ANXA8: variants seen among roughly 807,000 people sequenced by gnomAD.
ANXA8 encodes the protein annexin A8, also known as VAC-beta.
In ANXA8, 9 loss-of-function variants were observed where a neutral mutation model predicts 26.8. That is an observed-to-expected ratio of 0.34 (90% CI 0.20 to 0.59). The LOEUF is 0.59. ANXA8 is among the 20% of genes least tolerant of loss of function. ANXA8 has a pLI of 0.84. For missense variants in ANXA8, 83 were observed against 238.5 expected (o/e 0.35, Z 4.29); for synonymous variants, 39 against 94.8 (o/e 0.41, Z 3.42).
chr10:47,557,452 TCTC>T, the ANXA8 span, among the ~76,000 whole-genome samples: 9 of 150,796 alleles, frequency 6.0e-5, no homozygotes, highest in Non-Finnish European at 1.0e-4. Flanking sequence ...CTAACCTTCC[TCTC>T]CTCATTTTAA....
At chr10:47,925,618 G>A in the ANXA8 span, among the ~76,000 whole-genome samples, 5 of 41,836 alleles carry the variant, frequency 1.2e-4, 2 homozygotes, top group South Asian at 3.2e-3. Flanking sequence ...ATCACCTGGA[G>A]TTTGTAGATA....
chr10:47,772,564 T>C, the ANXA8 span, among the ~76,000 whole-genome samples: 1 of 152,060 alleles, frequency 6.6e-6, no homozygotes, highest in African/African-American at 2.4e-5. Flanking sequence ...TGGCTGTCAA[T>C]GCCACGGGAT....
the ANXA8 span, among the ~76,000 whole-genome samples, chr10:47,721,531 C>CT: frequency 2.6e-3 from 362 of 137,686 alleles, 17 homozygotes; most frequent in African/African-American, 6.8e-3. Flanking sequence ...ATTTAAAAGC[C>CT]TTTTTTTTTT....
chr10:47,949,901 A>G, the ANXA8 span, among the ~76,000 whole-genome samples: 9 of 150,570 alleles, frequency 6.0e-5, no homozygotes, highest in Non-Finnish European at 8.8e-5. Flanking sequence ...TTTATACCCA[A>G]CTATACTGAT....
chr10:47,615,600 T>C, the ANXA8 span, among the ~76,000 whole-genome samples: 22 of 68,946 alleles, frequency 3.2e-4, 9 homozygotes, highest in Admixed American at 1.9e-3. Context: ...AGAGCAGCCA[T>C]TGACCCATGG....
At chr10:47,701,906 A>G in the ANXA8 span, among the ~76,000 whole-genome samples, 1 of 151,530 alleles carries the variant, frequency 6.6e-6, no homozygotes, top group Non-Finnish European at 1.5e-5. Context: ...AAACCTAAGT[A>G]GCTGTGGAAA....
chr10:47,565,535 C>T, the ANXA8 span: 1 of 343,620 alleles, frequency 2.9e-6, no homozygotes. Context: ...AGCTGGACAG[C>T]CAGTCGGGGC....
the ANXA8 span, among the ~76,000 whole-genome samples, chr10:47,736,643 T>C: frequency 6.7e-6 from 1 of 149,166 alleles, no homozygotes; most frequent in Non-Finnish European, 1.5e-5. Flanking sequence ...TTTGAGGTTT[T>C]CTTTTTCTTT....
chr10:47,666,981 T>C, the ANXA8 span, among the ~76,000 whole-genome samples: 2 of 152,186 alleles, frequency 1.3e-5, no homozygotes, highest in African/African-American at 4.8e-5. Context: ...CTATCAGTTG[T>C]CCAAATTTCC....
chr10:47,574,008 C>A, the ANXA8 span, among the ~76,000 whole-genome samples: 1 of 134,910 alleles, frequency 7.4e-6, no homozygotes, highest in African/African-American at 2.8e-5. Context: ...ATACTGATTC[C>A]GTCGACTAAA....
chr10:47,944,582 T>C, the ANXA8 span, among the ~76,000 whole-genome samples: 1 of 150,624 alleles, frequency 6.6e-6, no homozygotes, highest in Non-Finnish European at 1.5e-5. Context: ...AATTGTATCA[T>C]GGGGGCAGGT....
the ANXA8 span, among the ~76,000 whole-genome samples, chr10:47,920,121 C>T: frequency 0.017 from 450 of 26,738 alleles, no homozygotes; most frequent in Non-Finnish European, 0.023. Flanking sequence ...CCTTTTTGCC[C>T]GAAGACCATA....
chr10:47,627,624 G>T, the ANXA8 span, among the ~76,000 whole-genome samples: 6 of 150,142 alleles, frequency 4.0e-5, no homozygotes, highest in South Asian at 1.2e-3. Context: ...AAACCCACTG[G>T]ATTCAAAATC....
chr10:47,686,525 T>C, the ANXA8 span, among the ~76,000 whole-genome samples: 15 of 151,946 alleles, frequency 9.9e-5, no homozygotes, highest in Non-Finnish European at 2.9e-5. Flanking sequence ...TGTCACTTTT[T>C]ATAATTGTCA....
chr10:47,947,850 AAATTAG>A, the ANXA8 span, among the ~76,000 whole-genome samples: 4 of 150,800 alleles, frequency 2.7e-5, 1 homozygote, highest in South Asian at 8.3e-4. Context: ...TCTGTTATAA[AAATTAG>A]GTTGTGGATG....
chr10:47,760,622 TG>T, the ANXA8 span, among the ~76,000 whole-genome samples: 2 of 151,022 alleles, frequency 1.3e-5, no homozygotes, highest in Non-Finnish European at 2.9e-5. Flanking sequence ...CCTCATGGGG[TG>T]CAGCAAGCAC....
At chr10:47,687,326 A>G in the ANXA8 span, among the ~76,000 whole-genome samples, 1 of 150,088 alleles carries the variant, frequency 6.7e-6, no homozygotes, top group African/African-American at 2.5e-5. Flanking sequence ...GCTGGAGTGC[A>G]GTGGCACGAT....
chr10:47,685,506 A>C, the ANXA8 span, among the ~76,000 whole-genome samples: 1 of 151,900 alleles, frequency 6.6e-6, no homozygotes, highest in Admixed American at 6.6e-5. Context: ...CCTGCCTAGA[A>C]GGCAAGTAGG....
chr10:47,521,862 C>A, the ANXA8 span, among the ~76,000 whole-genome samples: 6 of 150,302 alleles, frequency 4.0e-5, no homozygotes, highest in Middle Eastern at 3.4e-3. Flanking sequence ...CTCACTGCAA[C>A]CTCCACCTCC....
Sources: gnomAD v4.1 joint callset for allele counts (sites outside exome capture counted in the v4.1 genomes callset) on GRCh38, gnomAD v4.1.1 for gene constraint, MANE v1.5 for transcripts, NCBI Gene and HGNC (gene_info 2026-07-23, HGNC 2026-07-21) for gene names.